Variants in ESPL1 observed in about 807,000 individuals in gnomAD.
The protein encoded by ESPL1 is separin.
In ESPL1, 50 loss-of-function variants were observed where a neutral mutation model predicts 217.2. That is an observed-to-expected ratio of 0.23 (90% confidence interval 0.18 to 0.29). The LOEUF (loss-of-function observed/expected upper bound fraction) is 0.29. Among genes scored for constraint, ESPL1 ranks in the 10% least tolerant of loss-of-function variants. The pLI, the probability that ESPL1 is intolerant of heterozygous loss-of-function variation, is 1.00. For synonymous variants in ESPL1, 994 were observed against 1,081.3 expected, an observed-to-expected ratio of 0.92 and a Z score of 1.58; for missense variants, 1,834 against 2,603.0, an observed-to-expected ratio of 0.70 and a Z score of 6.43.
In ESPL1 at chr12:53,286,227, T is replaced by G. The variant is rs111320105; in HGVS notation, c.3491T>G (p.Val1164Gly). 33,456 of 1,614,214 alleles carry G rather than the reference T, an allele frequency of 0.021. 392 individuals carry two copies. Among genetic ancestry groups the G allele is most frequent in the Non-Finnish European group, 0.024 (28,509 of 1,180,044 alleles). The change falls in exon 18 of 31, where the codon GTA becomes GGA. Residue 1164 changes from valine to glycine, a missense_variant. Transcript: ENST00000257934. This position sits in a 1 kb window ranked among gnomAD's most constrained non-coding sequence, Gnocchi z 5.3. ...CTCACAGCAGTCTGTCTGCGCTGGG[T>G]ATTGGTCACGGCAGGGGTGAGGCTG... is the stretch of plus-strand genomic sequence containing the variant. ...PVLTAVCLRW[V>G]LVTAGVRLAM...
chr12:53,290,775 T>C, intron 24 of ESPL1, 66 bp from the exon 25 acceptor site: 2 of 1,412,534 alleles, frequency 1.4e-6, no homozygotes, highest in Non-Finnish European at 1.9e-6. Context: ...ATCTCCAAAA[T>C]GTCAGTGCCT....
chr12:53,275,395 AG>A (rs1308515352), intron 7 of ESPL1, among the ~76,000 whole-genome samples: 2 of 152,108 alleles, frequency 1.3e-5, no homozygotes, highest in African/African-American at 4.8e-5. Flanking sequence ...CGGGAGGCGG[AG>A]GTTGCAGTGA....
chr12:53,282,780 A>C lies in ESPL1; in HGVS notation c.2791+345A>C, dbSNP rs1943886095. 6.6e-6 allele frequency among the ~76,000 whole-genome samples: 1 copy of C among 152,138 alleles called. No homozygotes were observed. Among genetic ancestry groups the C allele is most frequent in the Admixed American group, 6.6e-5 (1 of 15,262 alleles). Reference sequence around the variant, plus strand: ...ACGATTCTCCTGCCTCAACCTCCTGAGTAGCTGGGATTACTGGCATGCGCC... The same window carrying C: ...ACGATTCTCCTGCCTCAACCTCCTGCGTAGCTGGGATTACTGGCATGCGCC... On this transcript the variant is annotated intron_variant, in intron 14 of 30. Transcript: ENST00000257934. This position sits in a 1 kb window ranked among gnomAD's most constrained non-coding sequence, Gnocchi z 4.0.
intron 6 of ESPL1, among the ~76,000 whole-genome samples, chr12:53,273,847 T>G (rs1223848885): frequency 2.8e-5 from 3 of 105,822 alleles, no homozygotes; most frequent in Non-Finnish European, 5.9e-5. Flanking sequence ...TTTTTTTTTT[T>G]TTTTTTTTTT....
chr12:53,283,024 C>A, intron 14 of ESPL1, 105 bp from the exon 15 acceptor site: 2 of 1,439,566 alleles, frequency 1.4e-6, no homozygotes, highest in Non-Finnish European at 1.9e-6. Context: ...GCTCTGCCTG[C>A]CTTAATGCAG....
At chr12:53,273,756 C>T (rs1943715555) in intron 6 of ESPL1, among the ~76,000 whole-genome samples, 1 of 149,070 alleles carries the variant, frequency 6.7e-6, no homozygotes, top group Non-Finnish European at 1.5e-5. Flanking sequence ...AAGACTCCAT[C>T]TCACATCTGA....
chr12:53,289,146 A>T lies in ESPL1; in HGVS notation c.4765A>T (p.Ser1589Cys). Residue 1589 changes from serine (S) to cysteine (C), a missense_variant, in exon 21 of 31, where the codon AGT (serine) becomes TGT (cysteine). By Grantham distance (112) the Ser-to-Cys change is moderately radical (BLOSUM62 -1). Coordinates refer to ENST00000257934, the MANE Select transcript of ESPL1 (RefSeq NM_012291.5). ...DSLSVAFRGISHCPPSGLYAH... is the reference protein window; with the variant it reads ...DSLSVAFRGICHCPPSGLYAH... The stretch of plus-strand genomic sequence containing the variant: ...CCTGAGTGTTGCTTTCCGGGGCATT[A>T]GTCACTGTCCTCCTAGTGGGCTCTA... The T allele has an allele frequency of 6.2e-7, 1 of 1,614,164 alleles. No individual in the cohort carries two copies. Among genetic ancestry groups the T allele is most frequent in the Non-Finnish European group, 8.5e-7 (1 of 1,180,024 alleles).
At position 53,270,388 on chromosome 12, in the gene ESPL1, G is replaced by A; in HGVS notation, c.1154G>A (p.Gly385Asp). The change falls in exon 4 of 31, where the codon GGC becomes GAC. Residue 385 changes from glycine to aspartate, a missense_variant. Gly to Asp is a moderately conservative substitution (Grantham distance 94). Transcript: ENST00000257934. Reference sequence around the variant, plus strand: ...CGCTTCCTTCCTCAGGTGTATGGGGGCTCCTCCAAGCAACAGCAGTCTTTT... The same window carrying A: ...CGCTTCCTTCCTCAGGTGTATGGGGACTCCTCCAAGCAACAGCAGTCTTTT... ...QQLRDDGVYG[G>D]SSKQQQSFLQ... 1 of 1,611,360 alleles carries A rather than the reference G, an allele frequency of 6.2e-7. No homozygotes were observed. The highest frequency in any genetic ancestry group is 8.5e-7 in the Non-Finnish European group (1 of 1,177,550).
chr12:53,281,958 T>C (rs547394373), intron 13 of ESPL1, among the ~76,000 whole-genome samples: 10 of 152,300 alleles, frequency 6.6e-5, no homozygotes, highest in Admixed American at 3.9e-4. Flanking sequence ...CCCAAACTAG[T>C]TGTGTGACTT....
intron 20 of ESPL1, 130 bp from the exon 21 acceptor site, chr12:53,288,960 T>C (rs1944005932): frequency 6.3e-6 from 5 of 797,010 alleles, no homozygotes; most frequent in African/African-American, 1.7e-5. Context: ...ACTTGGCACA[T>C]TGCCCTTCAT....
intron 16 of ESPL1, 114 bp downstream of exon 16, chr12:53,283,652 A>C: frequency 9.7e-7 from 1 of 1,025,850 alleles, no homozygotes. Context: ...ACATTCGTGG[A>C]AAAAGGCATT....
intron 24 of ESPL1, among the ~76,000 whole-genome samples, 164 bp downstream of exon 24, chr12:53,290,633 C>T (rs1245056049): frequency 6.6e-6 from 1 of 152,190 alleles, no homozygotes; most frequent in Non-Finnish European, 1.5e-5. Flanking sequence ...AACTTCAGAG[C>T]CCAGAACTTG....
intron 17 of ESPL1, among the ~76,000 whole-genome samples, chr12:53,285,640 C>T (rs1943935485): frequency 2.0e-5 from 3 of 151,274 alleles, no homozygotes; most frequent in South Asian, 2.1e-4. Context: ...ACCCGGGAGG[C>T]GGAGCTTGCA....
At chr12:53,268,647 T>G in intron 1 of ESPL1, 108 bp from the exon 2 acceptor site, 2 of 656,098 alleles carry the variant, frequency 3.0e-6, no homozygotes, top group Non-Finnish European at 5.2e-6. Context: ...TTCTCCCCGA[T>G]GAAATTTCTG....
intron 19 of ESPL1, 83 bp downstream of exon 19, chr12:53,288,424 G>C: frequency 6.6e-6 from 10 of 1,525,960 alleles, no homozygotes; most frequent in Non-Finnish European, 8.8e-6. Flanking sequence ...TGCTGCCAAG[G>C]AAGTACAGGA....
At position 53,270,384 on chromosome 12, in the gene ESPL1, G is replaced by T; in HGVS notation, c.1150G>T (p.Gly384Trp). ...LQQLRDDGVY[G>W]GSSKQQQSFL... ...CTTCCGCTTCCTTCCTCAGGTGTAT[G>T]GGGGCTCCTCCAAGCAACAGCAGTC... Residue 384 changes from glycine (G) to tryptophan (W), a missense_variant, in exon 4 of 31, where the codon GGG becomes TGG. Gly to Trp is a radical substitution (Grantham distance 184). This residue lies in a region of ESPL1 where 746 missense variants were observed against 1,077.0 expected (regional missense o/e 0.69). Coordinates refer to ENST00000257934, the MANE Select transcript of ESPL1 (RefSeq NM_012291.5). The T allele has an allele frequency of 6.2e-7, 1 of 1,609,864 alleles. No homozygotes were observed. The highest frequency in any genetic ancestry group is 8.5e-7 in the Non-Finnish European group (1 of 1,176,174).
At chr12:53,287,138 T>C in intron 18 of ESPL1, 1 of 418,452 alleles carries the variant, frequency 2.4e-6, no homozygotes, top group Non-Finnish European at 4.3e-6. Flanking sequence ...AGTGGCGCAA[T>C]CTCAGCTCAC....
In ESPL1 at chr12:53,293,105, G is replaced by A; in HGVS notation, c.6161+135G>A. On this transcript the variant is annotated intron_variant, in intron 30 of 30. Transcript: ENST00000257934. This position sits in a 1 kb window ranked among gnomAD's most constrained non-coding sequence, Gnocchi z 4.2. ...TCCTAGTTAGTTCCCTGGCATGCCT[G>A]GACCATTAACCCTTAGCTCCCTTCT... is the stretch of plus-strand genomic sequence containing the variant. The A allele has an allele frequency of 2.0e-6, 2 of 1,007,462 alleles. No homozygotes were observed. The highest frequency in any genetic ancestry group is 1.6e-5 in the South Asian group (1 of 64,192). 62.4% of individuals were successfully genotyped at this position (1,007,462 alleles called of 1,614,324 possible). A position where few individuals can be genotyped will look rare whatever the true frequency, so the allele number is the denominator to read the frequency against.
Position 53,276,741 on chromosome 12 carries a change from T to C in ESPL1, c.1822T>C (p.Cys608Arg). ...TGGACAGGAACGCTTCAACATCATC[T>C]GTGACCTCCTGGAGCTGAGCCCCGA... ...DTGQERFNII[C>R]DLLELSPEET... The change falls in exon 8 of 31, where the codon TGT becomes CGT. Residue 608 changes from cysteine to arginine, a missense_variant. Cys to Arg is a radical substitution (Grantham distance 180). This residue lies in a region of ESPL1 where 746 missense variants were observed against 1,077.0 expected (regional missense o/e 0.69). Coordinates refer to ENST00000257934, the MANE Select transcript of ESPL1 (RefSeq NM_012291.5). 6.2e-7 allele frequency: 1 copy of C among 1,613,704 alleles called. No homozygotes were observed. Among genetic ancestry groups the C allele is most frequent in the Non-Finnish European group, 8.5e-7 (1 of 1,180,028 alleles).
Sources: allele counts gnomAD v4.1 joint callset (sites outside exome capture counted in the v4.1 genomes callset), GRCh38; gene constraint gnomAD v4.1.1; regional missense constraint gnomAD v4.1.1; non-coding constraint Gnocchi (gnomAD v3.1); transcripts MANE v1.5; gene names NCBI Gene and HGNC (gene_info 2026-07-23, HGNC 2026-07-21).